Variants in GMDS observed in about 807,000 individuals in gnomAD.
The protein encoded by GMDS is GDP-mannose 4,6 dehydratase.
A neutral mutation model predicts 49.9 loss-of-function variants in GMDS; 20 were observed. The ratio of observed to expected loss-of-function variants is 0.40; its 90% CI spans 0.28 to 0.58. The LOEUF (loss-of-function observed/expected upper bound fraction) is 0.58. Ranked by LOEUF, GMDS falls within the 20% of genes least tolerant of loss-of-function variation. The pLI is 0.42. For missense variants in GMDS, 362 were observed against 481.4 expected, an observed-to-expected ratio of 0.75 and a Z score of 2.32; for synonymous variants, 177 against 178.6, an observed-to-expected ratio of 0.99 and a Z score of 0.07.
intron 4 of GMDS, among the ~76,000 whole-genome samples, chr6:2,021,065 C>T (rs1409360966): frequency 1.3e-5 from 2 of 152,182 alleles, no homozygotes; most frequent in African/African-American, 4.8e-5. Context: ...CTGCATTTGG[C>T]TTTAATCAGG....
At chr6:1,900,754 T>A (rs1434311233) in intron 7 of GMDS, among the ~76,000 whole-genome samples, 2 of 152,206 alleles carry the variant, frequency 1.3e-5, no homozygotes, top group Non-Finnish European at 2.9e-5. Flanking sequence ...CGACACTGGA[T>A]AAATCAGTGA....
chr6:1,786,897 A>C (rs1769345941), intron 7 of GMDS, among the ~76,000 whole-genome samples: 1 of 152,140 alleles, frequency 6.6e-6, no homozygotes, highest in Non-Finnish European at 1.5e-5. Flanking sequence ...TGTACAACGG[A>C]AGTGAGTGAG....
At chr6:1,795,271 A>C (rs1339616149) in intron 7 of GMDS, among the ~76,000 whole-genome samples, 1 of 152,188 alleles carries the variant, frequency 6.6e-6, no homozygotes, top group East Asian at 1.9e-4. Flanking sequence ...CATGCTACCA[A>C]AGACTCTGAG....
At chr6:2,059,625 G>A (rs945403233) in intron 4 of GMDS, among the ~76,000 whole-genome samples, 6 of 139,034 alleles carry the variant, frequency 4.3e-5, no homozygotes, top group Admixed American at 7.4e-5. Context: ...GGAGAATGGC[G>A]TGAACCCGGG....
intron 1 of GMDS, chr6:2,176,032 T>C: frequency 2.0e-6 from 3 of 1,526,798 alleles, no homozygotes; most frequent in Non-Finnish European, 1.8e-6. Context: ...ACAGATGCTT[T>C]ACTGTCAAGA....
intron 4 of GMDS, among the ~76,000 whole-genome samples, chr6:2,021,084 A>G (rs1386930532): frequency 6.6e-6 from 1 of 152,228 alleles, no homozygotes; most frequent in Middle Eastern, 3.2e-3. Context: ...GGTGCAGAGC[A>G]GGAACTCCAC....
chr6:2,138,543 A>C (rs1776121181), intron 1 of GMDS, among the ~76,000 whole-genome samples: 1 of 152,202 alleles, frequency 6.6e-6, no homozygotes, highest in Admixed American at 6.5e-5. Context: ...TCTCATGTTG[A>C]AATGTGATCC....
At chr6:2,175,350 A>G (rs1269353884) in intron 1 of GMDS, among the ~76,000 whole-genome samples, 2 of 152,212 alleles carry the variant, frequency 1.3e-5, no homozygotes, top group Non-Finnish European at 2.9e-5. Context: ...AATAACAAAA[A>G]TATGGTTCCT....
chr6:1,939,675 T>C (rs1762727141), intron 6 of GMDS, among the ~76,000 whole-genome samples: 1 of 151,926 alleles, frequency 6.6e-6, no homozygotes, highest in African/African-American at 2.4e-5. Flanking sequence ...AACATCTCTA[T>C]CTTCTATAAC....
At chr6:1,980,660 C>G (rs1239067677) in intron 4 of GMDS, among the ~76,000 whole-genome samples, 1 of 152,004 alleles carries the variant, frequency 6.6e-6, no homozygotes, top group Non-Finnish European at 1.5e-5. Context: ...GAAAATTAAC[C>G]AAGATATTTT....
chr6:2,062,876 A>G (rs1469553887), intron 4 of GMDS, among the ~76,000 whole-genome samples: 1 of 152,254 alleles, frequency 6.6e-6, no homozygotes, highest in African/African-American at 2.4e-5. Flanking sequence ...GCCTCAGTTC[A>G]TTTACCTATA....
chr6:1,946,790 A>G (rs1192822544), intron 6 of GMDS, among the ~76,000 whole-genome samples: 1 of 152,170 alleles, frequency 6.6e-6, no homozygotes, highest in Non-Finnish European at 1.5e-5. Context: ...CTCAAAGTGA[A>G]TGGGCACAAT....
chr6:1,815,862 G>T (rs1770644076), intron 7 of GMDS, among the ~76,000 whole-genome samples: 1 of 152,156 alleles, frequency 6.6e-6, no homozygotes. Flanking sequence ...GTCAATTCTT[G>T]TTTTCACTCT....
chr6:1,790,595 G>A (rs576388121), intron 7 of GMDS, among the ~76,000 whole-genome samples: 6 of 152,172 alleles, frequency 3.9e-5, no homozygotes, highest in South Asian at 4.2e-4. Context: ...CCAACATATC[G>A]AGGTTTTCTA....
chr6:2,233,724 G>T (rs1234106073), intron 1 of GMDS, among the ~76,000 whole-genome samples: 1 of 152,166 alleles, frequency 6.6e-6, no homozygotes, highest in Non-Finnish European at 1.5e-5. Context: ...GGAGGCTGAG[G>T]GATGAGACTC....
chr6:2,031,029 G>T (rs1768924157), intron 4 of GMDS, among the ~76,000 whole-genome samples: 1 of 152,158 alleles, frequency 6.6e-6, no homozygotes, highest in African/African-American at 2.4e-5. Flanking sequence ...TCAAATGCAA[G>T]CATGTAGTAT....
intron 4 of GMDS, among the ~76,000 whole-genome samples, chr6:2,035,508 C>A (rs952959866): frequency 6.6e-6 from 1 of 152,096 alleles, no homozygotes; most frequent in Non-Finnish European, 1.5e-5. Flanking sequence ...TGACCTATTT[C>A]TCTGTCTTAT....
intron 9 of GMDS, among the ~76,000 whole-genome samples, chr6:1,625,919 G>A (rs1379420321): frequency 1.3e-5 from 2 of 152,234 alleles, no homozygotes; most frequent in African/African-American, 4.8e-5. Flanking sequence ...TTCTATTTCA[G>A]CTACATACAA....
At chr6:1,949,335 T>C (rs1035936052) in intron 6 of GMDS, among the ~76,000 whole-genome samples, 1 of 148,150 alleles carries the variant, frequency 6.7e-6, no homozygotes, top group African/African-American at 2.6e-5. Flanking sequence ...ACACAGCTGA[T>C]GATGAGTGGC....
Sources: allele counts gnomAD v4.1 joint callset (sites outside exome capture counted in the v4.1 genomes callset), GRCh38; gene constraint gnomAD v4.1.1; transcripts MANE v1.5; gene names NCBI Gene and HGNC (gene_info 2026-07-23, HGNC 2026-07-21).